The following VPS18 variants were observed in gnomAD, a reference collection of about 807,000 sequenced individuals.
The protein encoded by VPS18 is VPS18 core subunit of CORVET and HOPS complexes, also known as vacuolar protein sorting-associated protein 18 homolog.
In VPS18, 25 loss-of-function variants were observed where a neutral mutation model predicts 82.0. The ratio of observed to expected loss-of-function variants is 0.30; its 90% CI spans 0.22 to 0.43. The LOEUF is 0.43. Among genes scored for constraint, VPS18 ranks in the 20% least tolerant of loss-of-function variants. The probability of loss-of-function intolerance (pLI) is 1.00; values close to 1 mark genes in which losing one functional copy is unlikely to be tolerated. For synonymous variants in VPS18, 523 were observed against 543.0 expected (o/e 0.96, Z 0.51); for missense variants, 1,168 against 1,311.1 (o/e 0.89, Z 1.69).
chr15:40,898,473 C>CTT (rs1354455179), intron 2 of VPS18, among the ~76,000 whole-genome samples: 7 of 136,732 alleles, frequency 5.1e-5, no homozygotes, highest in African/African-American at 1.1e-4. Flanking sequence ...TCAGCAATTT[C>CTT]TTTTTTTTTT....
At position 40,894,857 on chromosome 15, in the gene VPS18, C is replaced by G; in HGVS notation, c.89C>G (p.Ser30Trp). The change falls in exon 1 of 5, where the codon TCG becomes TGG. Residue 30 changes from serine (S) to tryptophan (W), a missense_variant and splice_region_variant. Ser to Trp is a radical substitution (Grantham distance 177). Around this residue, in one of 3 missense-constraint regions of VPS18, gnomAD observed 868 missense variants for 939.8 expected, o/e 0.92. Coordinates refer to ENST00000220509, the MANE Select transcript of VPS18 (RefSeq NM_020857.3). The part of the protein sequence containing the change: ...PGCPSVGIPH[S>W]GYVNAQLEKE... ...TGCCCTAGCGTGGGCATCCCCCACTCGGGTAAGGAAGAGGAGGGTGCCGCT... is the reference window on the plus strand; with the variant it reads ...TGCCCTAGCGTGGGCATCCCCCACTGGGGTAAGGAAGAGGAGGGTGCCGCT... 1 of 1,551,486 alleles carries G rather than the reference C, an allele frequency of 6.4e-7. No individual in the cohort carries two copies. Among genetic ancestry groups the G allele is most frequent in the Non-Finnish European group, 8.7e-7 (1 of 1,147,944 alleles).
chr15:40,900,640 C>T lies in VPS18; in HGVS notation c.1822C>T (p.Arg608Cys), dbSNP rs767300356. 1.5e-5 allele frequency: 25 copies of T among 1,614,032 alleles called. No homozygotes were observed. Among genetic ancestry groups the T allele is most frequent in the African/African-American group, 6.7e-5 (5 of 74,946 alleles). The part of the protein sequence containing the change: ...FSPILIRHIP[R>C]QLVDAWIEMG... Reference sequence around the variant, plus strand: ...ACCCATCCTCATCCGTCACATCCCCCGCCAGCTTGTAGATGCCTGGATTGA... The same window carrying T: ...ACCCATCCTCATCCGTCACATCCCCTGCCAGCTTGTAGATGCCTGGATTGA... Residue 608 changes from arginine to cysteine, a missense_variant, in exon 4 of 5, where the codon CGC (arginine) becomes TGC (cysteine). Arg to Cys is a radical substitution (Grantham distance 180). This residue lies in a region of VPS18 where 868 missense variants were observed against 939.8 expected (regional missense o/e 0.92). Transcript: ENST00000220509. The surrounding 1 kb of genome is among the most constrained non-coding windows in gnomAD (Gnocchi z 5.4).
rs188428689 is a variant in VPS18, at chr15:40,901,026, C to T, written c.2196+12C>T. 5.7e-6 allele frequency: 9 copies of T among 1,587,232 alleles called. No individual in the cohort carries two copies. The highest frequency in any genetic ancestry group is 4.4e-5 in the South Asian group (4 of 90,378). ...ACCTGGCCCTGCAGGTAAGCCAGTACGTCTTGACCCCAGCTGGGAGAGGGA... is the reference window on the plus strand; with the variant it reads ...ACCTGGCCCTGCAGGTAAGCCAGTATGTCTTGACCCCAGCTGGGAGAGGGA... On this transcript the variant is annotated intron_variant, in intron 4 of 4. Coordinates refer to ENST00000220509, the MANE Select transcript of VPS18 (RefSeq NM_020857.3).
In VPS18 at chr15:40,895,995, A is replaced by G; in HGVS notation, c.149A>G (p.Asp50Gly). Residue 50 changes from aspartate to glycine, a missense_variant, in exon 2 of 5, where the codon GAC becomes GGC. This residue lies in a region of VPS18 where 868 missense variants were observed against 939.8 expected (regional missense o/e 0.92). Transcript: ENST00000220509. ...CCCATCTTCACAAAGCAGCGCATTG[A>G]CTTCACCCCTTCCGAGCGCATTACC... ...EVPIFTKQRI[D>G]FTPSERITSL... 1 of 1,614,152 alleles carries G rather than the reference A, an allele frequency of 6.2e-7. No individual in the cohort carries two copies. The highest frequency in any genetic ancestry group is 8.5e-7 in the Non-Finnish European group (1 of 1,180,034).
At position 40,902,982 on chromosome 15, in the gene VPS18, A is replaced by G. The variant is rs777209029; in HGVS notation, c.2563A>G (p.Thr855Ala). The G allele has an allele frequency of 6.2e-7, 1 of 1,614,258 alleles. No homozygotes were observed. Among genetic ancestry groups the G allele is most frequent in the South Asian group, 1.1e-5 (1 of 91,090 alleles). The part of the protein sequence containing the change: ...GTVEPQDKCA[T>A]CDFPLLNRPF... ...TGTGGAGCCCCAGGACAAATGTGCCACCTGCGACTTCCCCCTGCTCAACCG... is the reference window on the plus strand; with the variant it reads ...TGTGGAGCCCCAGGACAAATGTGCCGCCTGCGACTTCCCCCTGCTCAACCG... The change falls in exon 5 of 5, where the codon ACC (threonine) becomes GCC (alanine). Residue 855 changes from threonine to alanine, a missense_variant. Physicochemically the swap from Thr to Ala is moderately conservative, Grantham distance 58. This residue lies in a region of VPS18 where 296 missense variants were observed against 354.0 expected (regional missense o/e 0.84). Coordinates refer to ENST00000220509, the MANE Select transcript of VPS18 (RefSeq NM_020857.3). The surrounding 1 kb of genome is among the most constrained non-coding windows in gnomAD (Gnocchi z 4.2).
chr15:40,896,142 C>T, intron 2 of VPS18, 63 bp downstream of exon 2: 2 of 1,592,148 alleles, frequency 1.3e-6, no homozygotes, highest in Non-Finnish European at 1.7e-6. Context: ...ACTGTTAACT[C>T]ACTGGGCCTT....
chr15:40,898,115 T>C (rs182120975), intron 2 of VPS18, among the ~76,000 whole-genome samples: 6,212 of 152,074 alleles, frequency 0.041, 192 homozygotes, highest in Non-Finnish European at 0.061. Context: ...TACAGGCGCC[T>C]GCCACCGCGC....
chr15:40,900,400 A>C lies in VPS18; in HGVS notation c.1582A>C (p.Ser528Arg). 6.2e-7 allele frequency: 1 copy of C among 1,613,658 alleles called. No homozygotes were observed. The highest frequency in any genetic ancestry group is 8.5e-7 in the Non-Finnish European group (1 of 1,179,950). ...ETKECFRTFL[S>R]SPRHKEWLFA... ...CAAGGAATGCTTTCGAACCTTCCTC[A>C]GCAGCCCCCGCCACAAAGAGTGGCT... is the stretch of plus-strand genomic sequence containing the variant. Residue 528 changes from serine to arginine, a missense_variant, in exon 4 of 5, where the codon AGC becomes CGC. By Grantham distance (110) the Ser-to-Arg change is moderately radical (BLOSUM62 -1). Transcript: ENST00000220509. The surrounding 1 kb of genome is among the most constrained non-coding windows in gnomAD (Gnocchi z 5.4).
At chr15:40,896,363 A>AC (rs530070595) in intron 2 of VPS18, among the ~76,000 whole-genome samples, 89 of 152,018 alleles carry the variant, frequency 5.9e-4, no homozygotes, top group African/African-American at 2.1e-3. Flanking sequence ...ATATAGTGAG[A>AC]CCCCCGTCTC....
intron 2 of VPS18, among the ~76,000 whole-genome samples, chr15:40,897,624 G>T (rs748663007): frequency 2.0e-5 from 3 of 152,154 alleles, no homozygotes; most frequent in Non-Finnish European, 4.4e-5. Flanking sequence ...AATTTGGAAA[G>T]AATTTCATAA....
chr15:40,896,832 G>GA lies in VPS18; in HGVS notation c.233+766dup, dbSNP rs373795113. On this transcript the variant is annotated intron_variant, in intron 2 of 4. Transcript: ENST00000220509. Reference sequence around the variant, plus strand: ...ATCTCAAAAAAAAAAAAAGGAAAAGGAAAAAAAAAAAAACTGTTTAGGAGT... The same window carrying GA: ...ATCTCAAAAAAAAAAAAAGGAAAAGGAAAAAAAAAAAAAACTGTTTAGGAGT... 6.4e-3 allele frequency among the ~76,000 whole-genome samples: 875 copies of GA among 136,378 alleles called. 3 individuals carry two copies. Among genetic ancestry groups the GA allele is most frequent in the Non-Finnish European group, 8.8e-3 (547 of 62,346 alleles). The allele number at this position is 136,378 out of a possible 152,430, so 89.5% of individuals were successfully genotyped here.
Position 40,903,073 on chromosome 15 carries a change from C to T in VPS18, c.2654C>T (p.Pro885Leu), listed in dbSNP as rs766700338. 199 of 1,614,010 alleles carry T rather than the reference C, an allele frequency of 1.2e-4. No individual in the cohort carries two copies. The highest frequency in any genetic ancestry group is 1.7e-4 in the Non-Finnish European group (197 of 1,180,032). Reference sequence around the variant, plus strand: ...GACTGCCTGCTGCAGGCTGTGCGACCTGGCCTGCCAGCCTACAAGCAGGCC... The same window carrying T: ...GACTGCCTGCTGCAGGCTGTGCGACTTGGCCTGCCAGCCTACAAGCAGGCC... ...HADCLLQAVR[P>L]GLPAYKQARL... The change falls in exon 5 of 5, where the codon CCT becomes CTT. Residue 885 changes from proline (P) to leucine (L), a missense_variant. Physicochemically the swap from Pro to Leu is moderately conservative, Grantham distance 98. Transcript: ENST00000220509.
At position 40,899,680 on chromosome 15, in the gene VPS18, A is replaced by G; in HGVS notation, c.862A>G (p.Met288Val). 3.1e-6 allele frequency: 5 copies of G among 1,613,840 alleles called. No individual in the cohort carries two copies. The highest frequency in any genetic ancestry group is 1.3e-5 in the African/African-American group (1 of 75,040). ...CGCACCCCGGGCCTTCGCCTGGATG[A>G]TGGGGGATGGTGTGTTGTATGGGGC... ...RSAPRAFAWMMGDGVLYGALD... is the reference protein window; with the variant it reads ...RSAPRAFAWMVGDGVLYGALD... The change falls in exon 4 of 5, where the codon ATG becomes GTG. Residue 288 changes from methionine to valine, a missense_variant. Around this residue, in one of 3 missense-constraint regions of VPS18, gnomAD observed 868 missense variants for 939.8 expected, o/e 0.92. Coordinates refer to ENST00000220509, the MANE Select transcript of VPS18 (RefSeq NM_020857.3). This position sits in a 1 kb window ranked among gnomAD's most constrained non-coding sequence, Gnocchi z 4.4.
Position 40,900,755 on chromosome 15 carries a change from T to G in VPS18, c.1937T>G (p.Ile646Ser). 6.2e-7 allele frequency: 1 copy of G among 1,614,182 alleles called. No individual in the cohort carries two copies. The highest frequency in any genetic ancestry group is 8.5e-7 in the Non-Finnish European group (1 of 1,180,042). ...GGEVQQVSQAIRYMEFCVNVL... is the reference protein window; with the variant it reads ...GGEVQQVSQASRYMEFCVNVL... ...GAGGTCCAGCAGGTGAGCCAGGCCA[T>G]CCGCTACATGGAGTTCTGCGTGAAC... is the stretch of plus-strand genomic sequence containing the variant. The change falls in exon 4 of 5, where the codon ATC (isoleucine) becomes AGC (serine). Residue 646 changes from isoleucine to serine, a missense_variant. By Grantham distance (142) the Ile-to-Ser change is moderately radical. Transcript: ENST00000220509. This position sits in a 1 kb window ranked among gnomAD's most constrained non-coding sequence, Gnocchi z 5.4.
rs1257207537 is a variant in VPS18, at chr15:40,900,508, C to G, written c.1690C>G (p.Gln564Glu). 3 of 1,614,150 alleles carry G rather than the reference C, an allele frequency of 1.9e-6. No homozygotes were observed. Among genetic ancestry groups the G allele is most frequent in the South Asian group, 2.2e-5 (2 of 91,086 alleles). The part of the protein sequence containing the change: ...EHMVYFAVIM[Q>E]DYERVVAYHC... ...CATGGTGTACTTTGCAGTGATCATG[C>G]AGGACTATGAGCGGGTGGTGGCTTA... Residue 564 changes from glutamine (Q) to glutamate (E), a missense_variant, in exon 4 of 5, where the codon CAG becomes GAG. Coordinates refer to ENST00000220509, the MANE Select transcript of VPS18 (RefSeq NM_020857.3). The surrounding 1 kb of genome is among the most constrained non-coding windows in gnomAD (Gnocchi z 5.4).
intron 1 of VPS18, 119 bp from the exon 2 acceptor site, chr15:40,895,819 T>G: frequency 7.2e-7 from 1 of 1,387,644 alleles, no homozygotes; most frequent in Non-Finnish European, 1.0e-6. Context: ...TTAACCAAGG[T>G]CCTGGGGATA....
Position 40,903,159 on chromosome 15 carries a change from C to A in VPS18, c.2740C>A (p.Arg914=), listed in dbSNP as rs189855795. The change falls in exon 5 of 5, where the codon CGG becomes AGG. Residue 914 remains arginine, a synonymous_variant. Coordinates refer to ENST00000220509, the MANE Select transcript of VPS18 (RefSeq NM_020857.3). ...TCCACCCCCAGCCAAGGGCTCTGCCCGGGCCAAGGAGGCCGAGGGTGGGGC... is the reference window on the plus strand; with the variant it reads ...TCCACCCCCAGCCAAGGGCTCTGCCAGGGCCAAGGAGGCCGAGGGTGGGGC... ...AAPPPAKGSA[R]AKEAEGGAAT... 22 of 1,605,690 alleles carry A rather than the reference C, an allele frequency of 1.4e-5. No individual in the cohort carries two copies. The highest frequency in any genetic ancestry group is 3.3e-5 in the South Asian group (3 of 90,410).
intron 1 of VPS18, 90 bp from the exon 2 acceptor site, chr15:40,895,845 AGTG>A: frequency 1.3e-6 from 2 of 1,536,386 alleles, no homozygotes; most frequent in Non-Finnish European, 1.8e-6. Context: ...ATGTCAGGAA[AGTG>A]GCGAGGAGCA....
rs535207580 is a variant in VPS18, at chr15:40,902,473, T to G, written c.2197-143T>G. On this transcript the variant is annotated intron_variant, in intron 4 of 4. Transcript: ENST00000220509. This position sits in a 1 kb window ranked among gnomAD's most constrained non-coding sequence, Gnocchi z 4.2. ...CCTACTACTCTAAGTAGCTTTTACATAGCTGTGGCAGCGGCAGGCCCCCTT... is the reference window on the plus strand; with the variant it reads ...CCTACTACTCTAAGTAGCTTTTACAGAGCTGTGGCAGCGGCAGGCCCCCTT... 1 of 1,158,324 alleles carries G rather than the reference T, an allele frequency of 8.6e-7. No individual in the cohort carries two copies. The highest frequency in any genetic ancestry group is 2.5e-5 in the East Asian group (1 of 39,256). 71.8% of individuals were successfully genotyped at this position (1,158,324 alleles called of 1,614,324 possible).
Sources: gnomAD v4.1 joint callset for allele counts (sites outside exome capture counted in the v4.1 genomes callset) on GRCh38, gnomAD v4.1.1 for gene constraint, gnomAD v4.1.1 regional missense constraint, Gnocchi (gnomAD v3.1) non-coding constraint, MANE v1.5 for transcripts, NCBI Gene and HGNC (gene_info 2026-07-23, HGNC 2026-07-21) for gene names.